Variants in FER1L6 observed in about 807,000 individuals in gnomAD.
FER1L6 encodes the protein fer-1 like family member 6.
A neutral mutation model predicts 219.2 loss-of-function variants in FER1L6; 177 were observed. That is an observed-to-expected ratio of 0.81 (90% CI 0.71 to 0.91). The LOEUF (loss-of-function observed/expected upper bound fraction) is 0.91, where lower values mean the gene tolerates loss of function less well. Among genes scored for constraint, FER1L6 ranks in the 40% least tolerant of loss-of-function variants. The probability of loss-of-function intolerance (pLI) is 0.00; values close to 1 mark genes in which losing one functional copy is unlikely to be tolerated. For synonymous variants in FER1L6, 768 were observed against 824.3 expected, an observed-to-expected ratio of 0.93 and a Z score of 1.17; for missense variants, 2,153 against 2,259.9, an observed-to-expected ratio of 0.95 and a Z score of 0.96.
intron 27 of FER1L6, 47 bp from the exon 28 acceptor site, chr8:124,067,720 A>T: frequency 6.7e-7 from 1 of 1,501,296 alleles, no homozygotes; most frequent in East Asian, 2.3e-5. Context: ...CAGTCAATTA[A>T]TAAATCAAGT....
At chr8:123,911,649 G>A (rs1813048551) in intron 1 of FER1L6, among the ~76,000 whole-genome samples, 1 of 152,140 alleles carries the variant, frequency 6.6e-6, no homozygotes, top group Non-Finnish European at 1.5e-5. Context: ...GAGCTGCAAT[G>A]ATCCTTGGAG....
intron 1 of FER1L6, among the ~76,000 whole-genome samples, chr8:123,861,491 T>G (rs1816744421): frequency 7.5e-6 from 1 of 132,568 alleles, no homozygotes; most frequent in Non-Finnish European, 1.6e-5. Context: ...ATATGAACTT[T>G]AAAGTAGTTT....
intron 14 of FER1L6, among the ~76,000 whole-genome samples, chr8:124,012,190 C>T (rs557203807): frequency 7.9e-5 from 12 of 152,324 alleles, no homozygotes; most frequent in African/African-American, 2.9e-4. Context: ...ATTTCTCTGT[C>T]CCATTTGCTT....
intron 25 of FER1L6, among the ~76,000 whole-genome samples, chr8:124,062,839 G>A (rs1459098437): frequency 2.0e-5 from 3 of 151,664 alleles, no homozygotes; most frequent in South Asian, 2.1e-4. Context: ...ATTAATTAGC[G>A]CCAGGGGCCA....
At chr8:124,078,504 T>C (rs1375608676) in intron 32 of FER1L6, among the ~76,000 whole-genome samples, 1 of 152,230 alleles carries the variant, frequency 6.6e-6, no homozygotes. Context: ...TCTTTTCTTG[T>C]CCACCTGCAG....
At chr8:123,944,756 A>T (rs1273760548) in intron 1 of FER1L6, among the ~76,000 whole-genome samples, 1 of 152,086 alleles carries the variant, frequency 6.6e-6, no homozygotes, top group Non-Finnish European at 1.5e-5. Context: ...ATGCTGTGAA[A>T]ATACTACCAG....
chr8:124,086,304 A>T, intron 33 of FER1L6, among the ~76,000 whole-genome samples: 1 of 149,096 alleles, frequency 6.7e-6, no homozygotes. Context: ...AGTGAAGGTG[A>T]TTTTCTCTGG....
intron 26 of FER1L6, among the ~76,000 whole-genome samples, chr8:124,064,913 T>C (rs1289507206): frequency 3.3e-5 from 5 of 152,222 alleles, no homozygotes; most frequent in Non-Finnish European, 1.5e-5. Flanking sequence ...CAAGATCATA[T>C]GGGACCAAGA....
chr8:124,037,023 T>C (rs551412897), intron 19 of FER1L6, among the ~76,000 whole-genome samples: 3 of 152,162 alleles, frequency 2.0e-5, no homozygotes, highest in Non-Finnish European at 4.4e-5. Context: ...ACATCTCTCA[T>C]AACCACAAGT....
At chr8:124,071,379 A>C in intron 30 of FER1L6, 127 bp from the exon 31 acceptor site, 4 of 1,241,230 alleles carry the variant, frequency 3.2e-6, no homozygotes, top group Non-Finnish European at 4.5e-6. Flanking sequence ...CCAACTGGCA[A>C]GTTTAGCACC....
intron 10 of FER1L6, among the ~76,000 whole-genome samples, chr8:123,978,759 G>A (rs1211518855): frequency 1.3e-5 from 2 of 152,094 alleles, no homozygotes; most frequent in Non-Finnish European, 2.9e-5. Flanking sequence ...GGCATGTCAA[G>A]AGCAGTAAAC....
At chr8:123,858,337 T>G (rs542538415) in intron 1 of FER1L6, among the ~76,000 whole-genome samples, 17 of 152,270 alleles carry the variant, frequency 1.1e-4, no homozygotes, top group African/African-American at 4.1e-4. Flanking sequence ...TAGCTAAAAT[T>G]TTTAGACACA....
intron 39 of FER1L6, among the ~76,000 whole-genome samples, chr8:124,118,197 G>A (rs943338101): frequency 3.9e-5 from 6 of 152,134 alleles, no homozygotes; most frequent in African/African-American, 1.4e-4. Context: ...TAACTTTTGC[G>A]GGGGTCCTAT....
intron 18 of FER1L6, among the ~76,000 whole-genome samples, chr8:124,029,142 G>C (rs560060576): frequency 2.0e-5 from 3 of 152,336 alleles, no homozygotes; most frequent in South Asian, 2.1e-4. Flanking sequence ...GTATTCCATG[G>C]AGTGTATGTG....
intron 18 of FER1L6, among the ~76,000 whole-genome samples, chr8:124,025,589 A>G (rs1181490401): frequency 6.6e-6 from 1 of 152,158 alleles, no homozygotes. Flanking sequence ...AGCCTTGTAT[A>G]ATTTGAAGTC....
chr8:123,963,815 A>G (rs1815410034), intron 3 of FER1L6, among the ~76,000 whole-genome samples: 1 of 152,190 alleles, frequency 6.6e-6, no homozygotes, highest in Non-Finnish European at 1.5e-5. Context: ...TTCTGCATGC[A>G]TTTTGCTAGA....
chr8:123,880,973 C>T (rs2129661561), intron 1 of FER1L6, among the ~76,000 whole-genome samples: 1 of 152,310 alleles, frequency 6.6e-6, no homozygotes, highest in Middle Eastern at 3.4e-3. Context: ...TTGCACGTCA[C>T]CTGCAGCTTA....
At chr8:124,087,175 T>C (rs1263179126) in intron 33 of FER1L6, among the ~76,000 whole-genome samples, 1 of 152,076 alleles carries the variant, frequency 6.6e-6, no homozygotes, top group Non-Finnish European at 1.5e-5. Context: ...CTCTGATCTC[T>C]CTCTCTCTCT....
At chr8:124,077,293 T>C (rs1473021531) in intron 32 of FER1L6, among the ~76,000 whole-genome samples, 1 of 152,226 alleles carries the variant, frequency 6.6e-6, no homozygotes, top group East Asian at 1.9e-4. Context: ...TTAGCTCCCT[T>C]GCTCCCCACC....
Sources: allele counts gnomAD v4.1 joint callset (sites outside exome capture counted in the v4.1 genomes callset), GRCh38; gene constraint gnomAD v4.1.1; transcripts MANE v1.5; gene names NCBI Gene and HGNC (gene_info 2026-07-23, HGNC 2026-07-21).